Variants in SUSD1 observed in about 807,000 individuals in gnomAD.
SUSD1 encodes sushi domain containing 1.
In SUSD1, 65 loss-of-function variants were observed where a neutral mutation model predicts 86.9. That is an observed-to-expected ratio of 0.75 (90% CI 0.61 to 0.92). The LOEUF is 0.92. SUSD1 is among the 40% of genes least tolerant of loss of function. The pLI is 0.00. For synonymous variants in SUSD1, 346 were observed against 350.0 expected, an observed-to-expected ratio of 0.99 and a Z score of 0.13; for missense variants, 850 against 929.7, an observed-to-expected ratio of 0.91 and a Z score of 1.11.
intron 2 of SUSD1, among the ~76,000 whole-genome samples, chr9:112,154,452 G>A (rs1197425348): frequency 6.6e-6 from 1 of 152,038 alleles, no homozygotes; most frequent in East Asian, 1.9e-4. Flanking sequence ...GGTCGAGGCT[G>A]CAGTGAGCCA....
chr9:112,050,805 ATGTAC>A (rs1828156863), intron 15 of SUSD1, among the ~76,000 whole-genome samples: 1 of 152,206 alleles, frequency 6.6e-6, no homozygotes, highest in African/African-American at 2.4e-5. Flanking sequence ...TTTTAAAGAA[ATGTAC>A]TGTACTGCCA....
Position 112,041,805 on chromosome 9 carries a change from G to A in SUSD1, c.2243+62C>T, listed in dbSNP as rs1589562132. 1.1e-5 allele frequency: 16 copies of A among 1,516,442 alleles called. No individual in the cohort carries two copies. The South Asian group carries it at 1.3e-4, about 12-fold the overall frequency. 93.9% of individuals were successfully genotyped at this position (1,516,442 alleles called of 1,614,324 possible). A position where few individuals can be genotyped will look rare whatever the true frequency, so the allele number is the denominator to read the frequency against. On this transcript the variant is annotated intron_variant, in intron 16 of 16. Coordinates refer to ENST00000374270, the MANE Select transcript of SUSD1 (RefSeq NM_022486.5). Reference sequence around the variant, plus strand: ...CTCCCCTCATCCCCAGCTGTTCTTCGTGACTCTGACCCATCCTCCCCTCCA... The same window carrying A: ...CTCCCCTCATCCCCAGCTGTTCTTCATGACTCTGACCCATCCTCCCCTCCA...
At chr9:112,156,320 G>T (rs957746264) in intron 2 of SUSD1, among the ~76,000 whole-genome samples, 1 of 151,976 alleles carries the variant, frequency 6.6e-6, no homozygotes, top group Non-Finnish European at 1.5e-5. Context: ...AAATTAGCTG[G>T]GCATGGTGGC....
At chr9:112,069,317 G>A (rs1307412783) in intron 12 of SUSD1, among the ~76,000 whole-genome samples, 1 of 152,144 alleles carries the variant, frequency 6.6e-6, no homozygotes, top group Non-Finnish European at 1.5e-5. Flanking sequence ...GTCCCAGGAG[G>A]TCACCTGGAA....
chr9:112,174,639 G>A (rs1834187842), intron 1 of SUSD1, among the ~76,000 whole-genome samples: 1 of 152,298 alleles, frequency 6.6e-6, no homozygotes, highest in Admixed American at 6.5e-5. Flanking sequence ...TTCCTTACGC[G>A]TCTTTCTCAC....
chr9:112,057,787 G>C (rs376649173), intron 14 of SUSD1, among the ~76,000 whole-genome samples: 22 of 152,212 alleles, frequency 1.4e-4, no homozygotes, highest in African/African-American at 5.1e-4. Flanking sequence ...AATCCTTCTA[G>C]TTTTCATTAC....
At chr9:112,047,265 T>C (rs1215325193) in intron 15 of SUSD1, among the ~76,000 whole-genome samples, 1 of 152,094 alleles carries the variant, frequency 6.6e-6, no homozygotes, top group Non-Finnish European at 1.5e-5. Flanking sequence ...CCAAATCTCA[T>C]GAGAACTCTA....
intron 10 of SUSD1, among the ~76,000 whole-genome samples, chr9:112,094,818 T>A (rs944704270): frequency 6.6e-6 from 1 of 152,242 alleles, no homozygotes; most frequent in African/African-American, 2.4e-5. Context: ...TAACTGGAAC[T>A]GTGATACTCT....
intron 12 of SUSD1, among the ~76,000 whole-genome samples, chr9:112,075,014 A>G (rs78635015): frequency 1.1e-4 from 16 of 152,188 alleles, no homozygotes; most frequent in Admixed American, 2.6e-4. Context: ...TAAGTGTCTC[A>G]TCAAGATGAA....
chr9:112,119,483 T>A (rs1039565204), intron 6 of SUSD1, among the ~76,000 whole-genome samples: 6 of 152,182 alleles, frequency 3.9e-5, no homozygotes, highest in African/African-American at 1.4e-4. Flanking sequence ...CAGAGCAGTT[T>A]AGAGGCACAG....
At chr9:112,088,867 A>C (rs1830089300) in intron 10 of SUSD1, among the ~76,000 whole-genome samples, 1 of 152,188 alleles carries the variant, frequency 6.6e-6, no homozygotes, top group African/African-American at 2.4e-5. Context: ...GCACTTTGGG[A>C]GGCCAAAGGT....
intron 10 of SUSD1, among the ~76,000 whole-genome samples, chr9:112,091,565 A>G (rs1218011273): frequency 6.6e-6 from 1 of 152,196 alleles, no homozygotes; most frequent in African/African-American, 2.4e-5. Context: ...GAATAAAAAC[A>G]TTCTTTTGTA....
At chr9:112,065,227 A>T (rs1219244897) in intron 12 of SUSD1, among the ~76,000 whole-genome samples, 1 of 152,108 alleles carries the variant, frequency 6.6e-6, no homozygotes, top group African/African-American at 2.4e-5. Flanking sequence ...AACAAACTCT[A>T]CTTTAAAAAC....
At chr9:112,093,824 C>T (rs1254634253) in intron 10 of SUSD1, among the ~76,000 whole-genome samples, 1 of 152,182 alleles carries the variant, frequency 6.6e-6, no homozygotes, top group Non-Finnish European at 1.5e-5. Flanking sequence ...AATTCAGGAA[C>T]AGATGAGGTA....
intron 15 of SUSD1, among the ~76,000 whole-genome samples, chr9:112,051,412 T>C (rs1403608087): frequency 1.4e-4 from 14 of 100,378 alleles, no homozygotes; most frequent in East Asian, 1.1e-3. Flanking sequence ...TCTTTTCTTT[T>C]TTTTTTTTTT....
chr9:112,080,560 T>A (rs1303391977), intron 10 of SUSD1, among the ~76,000 whole-genome samples: 1 of 151,970 alleles, frequency 6.6e-6, no homozygotes, highest in South Asian at 2.1e-4. Flanking sequence ...TGGTGGTGTG[T>A]GCCTGTAGTC....
At chr9:112,119,575 T>C (rs1002343199) in intron 6 of SUSD1, among the ~76,000 whole-genome samples, 16 of 152,214 alleles carry the variant, frequency 1.1e-4, no homozygotes, top group Admixed American at 9.2e-4. Context: ...GCGTCAGCCT[T>C]ATAATCATTA....
chr9:112,080,362 A>C (rs1373302661), intron 10 of SUSD1, among the ~76,000 whole-genome samples, 197 bp from the exon 11 acceptor site: 1 of 152,204 alleles, frequency 6.6e-6, no homozygotes, highest in Non-Finnish European at 1.5e-5. Context: ...TTTCAGATCC[A>C]AAGATACCTA....
Position 112,047,363 on chromosome 9 carries a change from G to C in SUSD1, c.2149+5036C>G, listed in dbSNP as rs562078607. On this transcript the variant is annotated intron_variant, in intron 15 of 16. Coordinates refer to ENST00000374270, the MANE Select transcript of SUSD1 (RefSeq NM_022486.5). ...CTTCAATACATGGGGATTACAATTC[G>C]ACATGAGATTTGGGTGGGTACATAG... Among the ~76,000 whole-genome samples, 3 of 152,218 alleles carry C rather than the reference G, an allele frequency of 2.0e-5. No homozygotes were observed. The East Asian group carries it at 5.8e-4, about 29-fold the overall frequency.
Sources: allele counts gnomAD v4.1 joint callset (sites outside exome capture counted in the v4.1 genomes callset), GRCh38; gene constraint gnomAD v4.1.1; transcripts MANE v1.5; gene names NCBI Gene and HGNC (gene_info 2026-07-23, HGNC 2026-07-21).